The following CD9 variants were observed in gnomAD, a reference collection of about 807,000 sequenced individuals.
The protein encoded by CD9 is CD9 molecule.
In CD9, 10 loss-of-function variants were observed where a neutral mutation model predicts 31.4. The ratio of observed to expected loss-of-function variants is 0.32; its 90% CI spans 0.20 to 0.54. CD9 has a LOEUF of 0.54. Ranked by LOEUF, CD9 falls within the 20% of genes least tolerant of loss-of-function variation. CD9 has a pLI of 0.94. For synonymous variants in CD9, 113 were observed against 114.1 expected (o/e 0.99, Z 0.06); for missense variants, 259 against 300.1 (o/e 0.86, Z 1.01).
At chr12:6,215,905 C>T (rs571433458) in intron 1 of CD9, among the ~76,000 whole-genome samples, 1 of 152,160 alleles carries the variant, frequency 6.6e-6, no homozygotes, top group Admixed American at 6.5e-5. Context: ...TTCTTGTTCC[C>T]GGTGTTTACT....
In CD9 at chr12:6,235,542, G is replaced by C. The variant is rs769489921; in HGVS notation, c.514G>C (p.Val172Leu). The change falls in exon 6 of 8, where the codon GTA (valine) becomes CTA (leucine). Residue 172 changes from valine to leucine, a missense_variant. By Grantham distance (32) the Val-to-Leu change is conservative. Transcript: ENST00000009180. ...FISDICPKKD[V>L]LETFTVKSCP... ...CTCAGACATCTGCCCCAAGAAGGACGTACTCGAAACCTTCACCGTGAAGGT... is the reference window on the plus strand; with the variant it reads ...CTCAGACATCTGCCCCAAGAAGGACCTACTCGAAACCTTCACCGTGAAGGT... 1 of 1,613,414 alleles carries C rather than the reference G, an allele frequency of 6.2e-7. No homozygotes were observed. Among genetic ancestry groups the C allele is most frequent in the Non-Finnish European group, 8.5e-7 (1 of 1,179,442 alleles).
At chr12:6,235,452 C>G in intron 5 of CD9, 24 bp from the exon 6 acceptor site, 1 of 1,613,674 alleles carries the variant, frequency 6.2e-7, no homozygotes, top group Non-Finnish European at 8.5e-7. Flanking sequence ...TTCTCTCATC[C>G]CCATCCCTGC....
chr12:6,205,905 T>A (rs562583871), intron 1 of CD9: 1 of 151,542 alleles, frequency 6.6e-6, no homozygotes. Context: ...GAAAGGAGAG[T>A]GGAGAAGTTT....
At chr12:6,218,285 A>T (rs906773006) in intron 1 of CD9, among the ~76,000 whole-genome samples, 1 of 151,768 alleles carries the variant, frequency 6.6e-6, no homozygotes, top group East Asian at 1.9e-4. Context: ...GACCTGGAGG[A>T]AAAGGGGGCC....
chr12:6,209,830 A>ACC (rs1946174208), intron 1 of CD9, among the ~76,000 whole-genome samples: 1 of 151,930 alleles, frequency 6.6e-6, no homozygotes, highest in African/African-American at 2.4e-5. Flanking sequence ...GATTACAGGC[A>ACC]TGTACCACCA....
upstream of CD9, chr12:6,200,395 C>A: frequency 1.3e-6 from 1 of 747,726 alleles, no homozygotes; most frequent in Non-Finnish European, 2.4e-6. Context: ...CGGAGACCAG[C>A]CTACAGCCGC....
chr12:6,223,598 G>T (rs575293609), intron 1 of CD9, among the ~76,000 whole-genome samples: 46 of 152,072 alleles, frequency 3.0e-4, no homozygotes, highest in Non-Finnish European at 6.0e-4. Context: ...CCTGGGGGGG[G>T]ACCCAGGCCA....
At chr12:6,212,849 G>T (rs1051643693) in intron 1 of CD9, among the ~76,000 whole-genome samples, 3 of 152,110 alleles carry the variant, frequency 2.0e-5, no homozygotes, top group African/African-American at 7.2e-5. Context: ...GTGTATGTGT[G>T]GACCCCTCTC....
chr12:6,229,522 G>GGC (rs1946415632), intron 2 of CD9, among the ~76,000 whole-genome samples: 1 of 152,212 alleles, frequency 6.6e-6, no homozygotes, highest in Admixed American at 6.5e-5. Flanking sequence ...AACTCGGGAG[G>GGC]GCGGGAACCA....
Position 6,227,880 on chromosome 12 carries a change from C to G in CD9, c.175+2346C>G, listed in dbSNP as rs183593136. Among the ~76,000 whole-genome samples the G allele has an allele frequency of 4.1e-4, 63 of 152,308 alleles. 1 individual carries two copies. Among genetic ancestry groups the G allele is most frequent in the African/African-American group, 1.4e-3 (57 of 41,562 alleles). Reference sequence around the variant, plus strand: ...AGAAACCCCTGCGTCGGTGGCCCAGCCAGCAGCTGACAGGTGGGAAAGCTG... The same window carrying G: ...AGAAACCCCTGCGTCGGTGGCCCAGGCAGCAGCTGACAGGTGGGAAAGCTG... On this transcript the variant is annotated intron_variant, in intron 2 of 7. Transcript: ENST00000009180.
chr12:6,202,967 A>T (rs775625042), intron 1 of CD9, among the ~76,000 whole-genome samples: 3 of 152,100 alleles, frequency 2.0e-5, no homozygotes, highest in Non-Finnish European at 4.4e-5. Context: ...TGTTTTCCTG[A>T]ATTACTGTTC....
At chr12:6,225,791 C>T (rs540618065) in intron 2 of CD9, 1 of 494,654 alleles carries the variant, frequency 2.0e-6, no homozygotes, top group East Asian at 3.6e-5. Flanking sequence ...GTGATGTAGC[C>T]TCTGCCAAAG....
chr12:6,236,029 C>G, intron 6 of CD9, 163 bp from the exon 7 acceptor site: 1 of 1,439,216 alleles, frequency 6.9e-7, no homozygotes, highest in South Asian at 1.5e-5. Context: ...CTTTGTTCCC[C>G]TTTCCATCCA....
At position 6,200,664 on chromosome 12, in the gene CD9, CGCACCGGGCAG is replaced by C. The variant is rs1400491040; in HGVS notation, c.66+109_66+119del. 1.1e-4 allele frequency: 83 copies of C among 769,688 alleles called. 1 individual carries two copies. The South Asian group carries it at 1.1e-3, about 10-fold the overall frequency. 47.7% of individuals were successfully genotyped at this position (769,688 alleles called of 1,614,324 possible). ...GCGAGTGCCGGCAGCTGGCACTGCCCGCACCGGGCAGGCACCGGGCGGGAAGAGAGAGCGCC... is the reference window on the plus strand; with the variant it reads ...GCGAGTGCCGGCAGCTGGCACTGCCCGCACCGGGCGGGAAGAGAGAGCGCC... On this transcript the variant is annotated intron_variant, in intron 1 of 7. Transcript: ENST00000009180.
intron 2 of CD9, 119 bp downstream of exon 2, chr12:6,225,653 C>T (rs1000684804): frequency 1.8e-5 from 12 of 653,768 alleles, no homozygotes; most frequent in Middle Eastern, 3.4e-4. Flanking sequence ...GCTCTAGCCA[C>T]GCTGGCCAGT....
chr12:6,235,997 G>T (rs1191316047), intron 6 of CD9, 195 bp from the exon 7 acceptor site: 9 of 1,422,376 alleles, frequency 6.3e-6, no homozygotes, highest in Non-Finnish European at 8.2e-6. Context: ...CAGATTTTAG[G>T]GATCCACTAG....
At chr12:6,236,773 C>T in intron 7 of CD9, 1 of 289,924 alleles carries the variant, frequency 3.4e-6, no homozygotes, top group Non-Finnish European at 6.4e-6. Context: ...CCATGAGGGA[C>T]AGCCCCAGAC....
rs574366695 is a variant in CD9 at position 6,219,191 on chromosome 12, A to T, written c.67-6235A>T. 7.0e-4 allele frequency among the ~76,000 whole-genome samples: 107 copies of T among 151,888 alleles called. 1 individual carries two copies. The highest frequency in any genetic ancestry group is 2.4e-3 in the African/African-American group (100 of 41,432). On this transcript the variant is annotated intron_variant, in intron 1 of 7. Coordinates refer to ENST00000009180, the MANE Select transcript of CD9 (RefSeq NM_001769.4). ...CGGCTAATTTTTGTAGTTTTAGTAGAGACGGGGTTTCACCATGTTGGCCAG... is the reference window on the plus strand; with the variant it reads ...CGGCTAATTTTTGTAGTTTTAGTAGTGACGGGGTTTCACCATGTTGGCCAG...
At chr12:6,224,909 C>A in intron 1 of CD9, 1 of 153,106 alleles carries the variant, frequency 6.5e-6, no homozygotes. Flanking sequence ...ACGACACCCC[C>A]AGCCACATGG....
Sources: allele counts gnomAD v4.1 joint callset (sites outside exome capture counted in the v4.1 genomes callset), GRCh38; gene constraint gnomAD v4.1.1; transcripts MANE v1.5; gene names NCBI Gene and HGNC (gene_info 2026-07-23, HGNC 2026-07-21).